The following PLCB1 variants were observed in gnomAD, a reference collection of about 807,000 sequenced individuals.
PLCB1 encodes phospholipase C beta 1.
In PLCB1, 46 loss-of-function variants were observed where a neutral mutation model predicts 161.8. That is an observed-to-expected ratio of 0.28 (90% confidence interval 0.22 to 0.36). PLCB1 has a LOEUF of 0.36. Ranked by LOEUF, PLCB1 falls within the 10% of genes least tolerant of loss-of-function variation. PLCB1 has a pLI of 1.00. For synonymous variants in PLCB1, 517 were observed against 503.7 expected, an observed-to-expected ratio of 1.03 and a Z score of -0.35; for missense variants, 1,016 against 1,472.5, an observed-to-expected ratio of 0.69 and a Z score of 5.07.
intron 3 of PLCB1, among the ~76,000 whole-genome samples, chr20:8,606,131 C>G (rs528562816): frequency 1.3e-5 from 2 of 152,206 alleles, no homozygotes; most frequent in South Asian, 4.1e-4. Flanking sequence ...CATAGTGTTG[C>G]CTTCCTATTC....
In PLCB1 at chr20:8,760,387, T is replaced by C; in HGVS notation, c.2657-20T>C. 6.5e-7 allele frequency: 1 copy of C among 1,541,102 alleles called. No individual in the cohort carries two copies. Among genetic ancestry groups the C allele is most frequent in the Non-Finnish European group, 8.9e-7 (1 of 1,117,676 alleles). On this transcript the variant is annotated intron_variant, in intron 24 of 31. Transcript: ENST00000338037. ...TTTAAAAAGTTGAAGAGGCTATTTA[T>C]TTTATCTTTTATATTACAGGTTCTG...
At chr20:8,873,893 A>T (rs1187667577) in intron 31 of PLCB1, among the ~76,000 whole-genome samples, 2 of 151,990 alleles carry the variant, frequency 1.3e-5, no homozygotes, top group Non-Finnish European at 2.9e-5. Context: ...GATCTTTAGC[A>T]GTAAATTCCA....
intron 2 of PLCB1, among the ~76,000 whole-genome samples, chr20:8,358,220 G>A (rs965629198): frequency 4.7e-5 from 7 of 148,482 alleles, no homozygotes; most frequent in Admixed American, 2.0e-4. Flanking sequence ...CAGAGCTACC[G>A]TGGTGGCATG....
In PLCB1 at chr20:8,788,431, G is replaced by GACAT; in HGVS notation, c.3112-17_3112-14dup. 6.2e-7 allele frequency: 1 copy of GACAT among 1,610,456 alleles called. No homozygotes were observed. The highest frequency in any genetic ancestry group is 1.1e-5 in the South Asian group (1 of 90,130). On this transcript the variant is annotated splice_polypyrimidine_tract_variant and intron_variant, in intron 27 of 31. Coordinates refer to ENST00000338037, the MANE Select transcript of PLCB1 (RefSeq NM_015192.4). ...TTGCAATCATTTGAAATAGCAAACTGACATTTTCTTTTTCCAGCTTATTCA... is the reference window on the plus strand; with the variant it reads ...TTGCAATCATTTGAAATAGCAAACTGACATACATTTTCTTTTTCCAGCTTATTCA...
intron 3 of PLCB1, among the ~76,000 whole-genome samples, chr20:8,499,324 A>G (rs768917472): frequency 3.3e-5 from 5 of 152,222 alleles, no homozygotes; most frequent in African/African-American, 7.2e-5. Context: ...CCACGGAACA[A>G]TGCCTTCTCA....
At chr20:8,588,484 G>A (rs1987053571) in intron 3 of PLCB1, among the ~76,000 whole-genome samples, 1 of 152,106 alleles carries the variant, frequency 6.6e-6, no homozygotes, top group Non-Finnish European at 1.5e-5. Context: ...TTTGGAGATA[G>A]GGACTTTAAA....
intron 31 of PLCB1, among the ~76,000 whole-genome samples, chr20:8,810,742 T>C (rs1435963283): frequency 6.6e-6 from 1 of 152,164 alleles, no homozygotes; most frequent in Non-Finnish European, 1.5e-5. Flanking sequence ...GTCAGGCAGA[T>C]GACTTGAGCC....
intron 23 of PLCB1, among the ~76,000 whole-genome samples, chr20:8,752,560 A>T (rs888557956): frequency 2.0e-5 from 3 of 152,210 alleles, no homozygotes; most frequent in Admixed American, 1.3e-4. Flanking sequence ...TGGGAGACCG[A>T]GGCAGGTGGA....
intron 31 of PLCB1, among the ~76,000 whole-genome samples, chr20:8,805,525 G>A (rs945789251): frequency 3.3e-5 from 5 of 152,290 alleles, no homozygotes; most frequent in Admixed American, 2.0e-4. Context: ...GTCAGTTTAA[G>A]GCCGTAGAAA....
At chr20:8,555,151 T>A (rs561881233) in intron 3 of PLCB1, among the ~76,000 whole-genome samples, 2 of 152,114 alleles carry the variant, frequency 1.3e-5, no homozygotes, top group Admixed American at 1.3e-4. Flanking sequence ...TTTTTGCTGG[T>A]TTTATCAGTG....
rs188640220 is a variant in PLCB1 at position 8,173,463 on chromosome 20, G to A, written c.177+23092G>A. ...AAAGGTTCTGAAAATTAAACCATCG[G>A]TGGAATGACAACCCACAAAAGTAGA... is the stretch of plus-strand genomic sequence containing the variant. On this transcript the variant is annotated intron_variant, in intron 2 of 31. Transcript: ENST00000338037. 1.6e-3 allele frequency among the ~76,000 whole-genome samples: 239 copies of A among 152,264 alleles called. 2 individuals carry two copies. Among genetic ancestry groups the A allele is most frequent in the East Asian group, 6.9e-3 (36 of 5,180 alleles).
intron 2 of PLCB1, among the ~76,000 whole-genome samples, chr20:8,172,339 C>T (rs764097034): frequency 2.2e-4 from 33 of 151,956 alleles, no homozygotes; most frequent in Admixed American, 3.9e-4. Context: ...ATTTAAAGGC[C>T]GTGAGGGATA....
intron 2 of PLCB1, among the ~76,000 whole-genome samples, chr20:8,246,807 T>C (rs1045452178): frequency 2.0e-5 from 3 of 151,928 alleles, no homozygotes; most frequent in Non-Finnish European, 2.9e-5. Flanking sequence ...GGTTTTCTTT[T>C]CTCGGGGAAT....
chr20:8,871,135 G>A (rs1056024462), intron 31 of PLCB1, among the ~76,000 whole-genome samples: 1 of 152,218 alleles, frequency 6.6e-6, no homozygotes, highest in African/African-American at 2.4e-5. Context: ...AACAGAGTAT[G>A]TGAGAATTGT....
intron 4 of PLCB1, among the ~76,000 whole-genome samples, chr20:8,635,151 C>T (rs1988721193): frequency 6.6e-6 from 1 of 152,052 alleles, no homozygotes. Flanking sequence ...ATAATCTATC[C>T]TGTATTTGCG....
intron 2 of PLCB1, among the ~76,000 whole-genome samples, chr20:8,181,007 T>C (rs1644083014): frequency 6.7e-6 from 1 of 150,358 alleles, no homozygotes; most frequent in African/African-American, 2.4e-5. Context: ...AAGAATATGA[T>C]TGGGAGGCCG....
intron 31 of PLCB1, among the ~76,000 whole-genome samples, chr20:8,815,477 C>T (rs1985042620): frequency 6.6e-6 from 1 of 152,154 alleles, no homozygotes; most frequent in Non-Finnish European, 1.5e-5. Context: ...CATTGCTAAC[C>T]CTGGCAAACC....
At chr20:8,457,606 G>T (rs1981374152) in intron 3 of PLCB1, among the ~76,000 whole-genome samples, 1 of 151,724 alleles carries the variant, frequency 6.6e-6, no homozygotes, top group Non-Finnish European at 1.5e-5. Flanking sequence ...TTTTATTATT[G>T]CCCATTACTA....
intron 31 of PLCB1, among the ~76,000 whole-genome samples, chr20:8,865,934 C>A (rs1191668559): frequency 1.3e-5 from 2 of 152,122 alleles, no homozygotes; most frequent in Admixed American, 6.5e-5. Context: ...TCCAAACCTG[C>A]TAAATGTAGA....
Sources: gnomAD v4.1 joint callset for allele counts (sites outside exome capture counted in the v4.1 genomes callset) on GRCh38, gnomAD v4.1.1 for gene constraint, MANE v1.5 for transcripts, NCBI Gene and HGNC (gene_info 2026-07-23, HGNC 2026-07-21) for gene names.